HIGD1A: variants seen among roughly 807,000 people sequenced by gnomAD.
The protein encoded by HIGD1A is HIG1 hypoxia inducible domain family member 1A.
A neutral mutation model predicts 11.3 loss-of-function variants in HIGD1A; 8 were observed. The ratio of observed to expected loss-of-function variants is 0.71; its 90% CI spans 0.42 to 1.28. HIGD1A has a LOEUF of 1.28. Ranked by LOEUF, HIGD1A falls within the 50% of genes most tolerant of loss-of-function variation. HIGD1A has a pLI of 0.01. For synonymous variants in HIGD1A, 32 were observed against 38.4 expected (o/e 0.83, Z 0.62); for missense variants, 107 against 118.8 (o/e 0.90, Z 0.46).
chr3:42,802,574 G>GA (rs1553698167), intron 1 of HIGD1A, among the ~76,000 whole-genome samples: 3 of 152,148 alleles, frequency 2.0e-5, no homozygotes, highest in Non-Finnish European at 4.4e-5. Context: ...TTACCACGTA[G>GA]AAGTTTCCAA....
chr3:42,790,301 G>A (rs1700407653), intron 2 of HIGD1A, among the ~76,000 whole-genome samples: 2 of 152,208 alleles, frequency 1.3e-5, no homozygotes, highest in South Asian at 4.1e-4. Flanking sequence ...GGGAGGCTGA[G>A]GCAGGTGGAT....
At chr3:42,790,110 T>C (rs1700404807) in intron 2 of HIGD1A, among the ~76,000 whole-genome samples, 1 of 152,200 alleles carries the variant, frequency 6.6e-6, no homozygotes, top group South Asian at 2.1e-4. Context: ...TGAATACTGC[T>C]GTTGTTGCCT....
chr3:42,794,741 T>C (rs899698978), intron 1 of HIGD1A, among the ~76,000 whole-genome samples: 1 of 152,246 alleles, frequency 6.6e-6, no homozygotes, highest in Non-Finnish European at 1.5e-5. Flanking sequence ...GCAGTCTTTA[T>C]TGCTTTCAAC....
intron 2 of HIGD1A, among the ~76,000 whole-genome samples, chr3:42,793,916 A>G (rs1700459993): frequency 6.6e-6 from 1 of 152,150 alleles, no homozygotes; most frequent in Admixed American, 6.6e-5. Context: ...GGATGGGGGC[A>G]GTGAGCTATG....
chr3:42,786,036 A>G lies in HIGD1A; in HGVS notation c.224T>C (p.Met75Thr). The change falls in exon 3 of 4, where the codon ATG becomes ACG. Residue 75 changes from methionine to threonine, a missense_variant. Transcript: ENST00000321331. ...TTCCTATAGGAACCTACCAACAGTC[A>G]TTGCTCCTACAACAAAGCCTTGGGC... ...VAAQGFVVGA[M>T]TVGMGYSMYR... 1.2e-6 allele frequency: 2 copies of G among 1,612,550 alleles called. No homozygotes were observed. The highest frequency in any genetic ancestry group is 3.3e-5 in the Admixed American group (2 of 60,014).
chr3:42,794,349 A>G, intron 1 of HIGD1A, 74 bp from the exon 2 acceptor site: 1 of 1,326,364 alleles, frequency 7.5e-7, no homozygotes, highest in South Asian at 1.6e-5. Context: ...TGTATTTAAA[A>G]TATTCCTAAC....
chr3:42,804,351 T>C (rs1477353261), intron 1 of HIGD1A, 85 bp downstream of exon 1: 1 of 659,858 alleles, frequency 1.5e-6, no homozygotes, highest in Non-Finnish European at 2.5e-6. Context: ...CCAAAGTCCT[T>C]TCGGCCTGGC....
At chr3:42,800,310 C>CA (rs1379370299) in intron 1 of HIGD1A, among the ~76,000 whole-genome samples, 1 of 151,062 alleles carries the variant, frequency 6.6e-6, no homozygotes, top group East Asian at 1.9e-4. Flanking sequence ...GCCTGGGCCA[C>CA]AGAGAGACTC....
At chr3:42,791,936 A>G (rs1032123467) in intron 2 of HIGD1A, among the ~76,000 whole-genome samples, 4 of 152,258 alleles carry the variant, frequency 2.6e-5, no homozygotes, top group Non-Finnish European at 5.9e-5. Context: ...GTTACAAAAC[A>G]TTGTATATCT....
intron 1 of HIGD1A, among the ~76,000 whole-genome samples, chr3:42,801,009 TCTCTC>T (rs1289435688): frequency 6.6e-6 from 1 of 152,214 alleles, no homozygotes; most frequent in Non-Finnish European, 1.5e-5. Flanking sequence ...AATTCTTTTC[TCTCTC>T]TTCTCAGAGG....
At chr3:42,802,172 T>TC (rs1470259710) in intron 1 of HIGD1A, among the ~76,000 whole-genome samples, 1 of 152,178 alleles carries the variant, frequency 6.6e-6, no homozygotes, top group Non-Finnish European at 1.5e-5. Flanking sequence ...TTTTTTTTTT[T>TC]TCTCCTTTCA....
intron 2 of HIGD1A, among the ~76,000 whole-genome samples, chr3:42,793,243 T>G (rs1700450075): frequency 6.6e-6 from 1 of 152,142 alleles, no homozygotes; most frequent in Admixed American, 6.5e-5. Flanking sequence ...AATTTCACCT[T>G]TCATCTGTTT....
intron 1 of HIGD1A, chr3:42,804,228 C>G: frequency 6.2e-7 from 1 of 1,608,116 alleles, no homozygotes. Context: ...CCCGAAGGAC[C>G]CTAGGCCTCG....
intron 3 of HIGD1A, 30 bp downstream of exon 3, chr3:42,785,998 G>A (rs1224568730): frequency 6.2e-6 from 10 of 1,609,942 alleles, no homozygotes; most frequent in Middle Eastern, 2.2e-4. Flanking sequence ...AATGAGAAAC[G>A]AAAATTTGAA....
chr3:42,789,098 T>C (rs1295014961), intron 2 of HIGD1A, among the ~76,000 whole-genome samples: 2 of 138,244 alleles, frequency 1.4e-5, no homozygotes, highest in Admixed American at 8.2e-5. Flanking sequence ...TGGAGTGCAG[T>C]GGTGCAATCT....
At chr3:42,789,711 A>AT (rs1049089421) in intron 2 of HIGD1A, among the ~76,000 whole-genome samples, 3 of 151,978 alleles carry the variant, frequency 2.0e-5, no homozygotes, top group African/African-American at 7.2e-5. Flanking sequence ...TAAATATTCC[A>AT]TTTTTAATTT....
intron 2 of HIGD1A, among the ~76,000 whole-genome samples, chr3:42,787,358 G>A (rs980111716): frequency 6.6e-6 from 1 of 151,926 alleles, no homozygotes; most frequent in East Asian, 1.9e-4. Context: ...ACTTTGGGAG[G>A]TTGAGGCAGG....
intron 2 of HIGD1A, among the ~76,000 whole-genome samples, chr3:42,787,924 G>A (rs1700372220): frequency 6.6e-6 from 1 of 151,562 alleles, no homozygotes; most frequent in Admixed American, 6.6e-5. Flanking sequence ...CATTTATTAG[G>A]CCACAAAGAA....
intron 1 of HIGD1A, among the ~76,000 whole-genome samples, chr3:42,803,436 G>A (rs1479318993): frequency 1.3e-5 from 2 of 152,218 alleles, no homozygotes; most frequent in Non-Finnish European, 2.9e-5. Flanking sequence ...TGGAGATCCG[G>A]ATTCAGGTGG....
Sources: gnomAD v4.1 joint callset for allele counts (sites outside exome capture counted in the v4.1 genomes callset) on GRCh38, gnomAD v4.1.1 for gene constraint, MANE v1.5 for transcripts, NCBI Gene and HGNC (gene_info 2026-07-23, HGNC 2026-07-21) for gene names.